Variants in VSIG10 observed in about 807,000 individuals in gnomAD.
The protein encoded by VSIG10 is V-set and immunoglobulin domain containing 10.
A neutral mutation model predicts 58.7 loss-of-function variants in VSIG10; 48 were observed. The observed-to-expected ratio is 0.82, with a 90% CI of 0.65 to 1.04. VSIG10 has a LOEUF of 1.04. VSIG10 is among the 50% of genes least tolerant of loss of function. The pLI, the probability that VSIG10 is intolerant of heterozygous loss-of-function variation, is 0.00. For synonymous variants in VSIG10, 260 were observed against 267.1 expected (o/e 0.97, Z 0.26); for missense variants, 628 against 670.0 (o/e 0.94, Z 0.69).
intron 7 of VSIG10, among the ~76,000 whole-genome samples, chr12:118,069,351 G>C (rs1228684818): frequency 1.3e-5 from 2 of 151,312 alleles, no homozygotes; most frequent in Non-Finnish European, 2.9e-5. Flanking sequence ...TGGCCTCCCA[G>C]AGTGCTGAGA....
chr12:118,093,863 T>C (rs1190897094), intron 2 of VSIG10, among the ~76,000 whole-genome samples: 4 of 152,072 alleles, frequency 2.6e-5, no homozygotes, highest in African/African-American at 2.4e-5. Flanking sequence ...GAGCCGAGAT[T>C]GCATCACTGC....
chr12:118,081,358 G>A (rs927043272), intron 3 of VSIG10, among the ~76,000 whole-genome samples: 4 of 151,798 alleles, frequency 2.6e-5, no homozygotes, highest in Admixed American at 6.6e-5. Context: ...ACGGAGTCTC[G>A]CCCTGTCGCC....
At chr12:118,068,244 A>T in intron 8 of VSIG10, 133 bp downstream of exon 8, 1 of 457,230 alleles carries the variant, frequency 2.2e-6, no homozygotes, top group South Asian at 3.3e-5. Context: ...CATGTTGCCC[A>T]GGCTAGTCTT....
At chr12:118,088,690 G>C (rs1042920559) in intron 2 of VSIG10, among the ~76,000 whole-genome samples, 5 of 152,090 alleles carry the variant, frequency 3.3e-5, no homozygotes. Flanking sequence ...GCAGAGAGGA[G>C]TCTGCTGTTT....
chr12:118,103,592 C>G lies in VSIG10; in HGVS notation c.79+1G>C. 1 of 1,521,770 alleles carries G rather than the reference C, an allele frequency of 6.6e-7. No homozygotes were observed. Among genetic ancestry groups the G allele is most frequent in the South Asian group, 1.2e-5 (1 of 82,506 alleles). 94.3% of individuals were successfully genotyped at this position (1,521,770 alleles called of 1,614,324 possible). On this transcript the variant is annotated splice_donor_variant, in intron 1 of 8. Coordinates refer to ENST00000359236, the MANE Select transcript of VSIG10 (RefSeq NM_019086.6). LOFTEE classifies it high-confidence loss of function. ...TTTCCCTCCAGATCGCGGCCCCTTA[C>G]CTACGGCGACCCAGCCGGCCAGGAG...
At chr12:118,070,483 G>T (rs892158685) in intron 7 of VSIG10, among the ~76,000 whole-genome samples, 1 of 150,542 alleles carries the variant, frequency 6.6e-6, no homozygotes, top group African/African-American at 2.4e-5. Context: ...GGGAGGTAGG[G>T]ATTGCAGTGA....
chr12:118,095,866 G>T (rs374685421), intron 1 of VSIG10, 52 bp from the exon 2 acceptor site: 2 of 1,539,658 alleles, frequency 1.3e-6, no homozygotes. Context: ...TCTAAACAAT[G>T]TCCCTTTTTG....
intron 2 of VSIG10, among the ~76,000 whole-genome samples, chr12:118,088,952 T>C (rs886444342): frequency 3.5e-4 from 52 of 150,704 alleles, no homozygotes; most frequent in Non-Finnish European, 3.3e-4. Flanking sequence ...TTTTTCTTTT[T>C]TTTTTTTTTT....
chr12:118,073,670 C>T (rs1195358230), intron 5 of VSIG10, 29 bp downstream of exon 5: 1 of 1,572,898 alleles, frequency 6.4e-7, no homozygotes, highest in Non-Finnish European at 8.6e-7. Context: ...CTGAACCCTC[C>T]CTCCTTCAGG....
chr12:118,073,062 G>A (rs1029631107), intron 5 of VSIG10, among the ~76,000 whole-genome samples: 1 of 149,424 alleles, frequency 6.7e-6, no homozygotes, highest in East Asian at 2.0e-4. Context: ...TGCAACCTTC[G>A]CCTCCCAGAT....
chr12:118,100,389 C>T (rs190404070), intron 1 of VSIG10, among the ~76,000 whole-genome samples: 4 of 152,130 alleles, frequency 2.6e-5, no homozygotes, highest in South Asian at 2.1e-4. Flanking sequence ...CCCACCTACT[C>T]GGGAGGCTGA....
Position 118,068,606 on chromosome 12 carries a change from C to T in VSIG10, c.1347-9G>A, listed in dbSNP as rs2032356779. ...CATCCATGTTTTGTCCCCTAATTTC[C>T]AAAGGGGAAAAATAATCAAGAAGAT... On this transcript the variant is annotated splice_polypyrimidine_tract_variant and intron_variant, in intron 7 of 8. Transcript: ENST00000359236. 6.5e-7 allele frequency: 1 copy of T among 1,530,114 alleles called. No homozygotes were observed. Among genetic ancestry groups the T allele is most frequent in the Non-Finnish European group, 8.8e-7 (1 of 1,135,596 alleles). 94.8% of individuals were successfully genotyped at this position (1,530,114 alleles called of 1,614,324 possible).
chr12:118,083,714 C>G (rs2033036824), intron 2 of VSIG10, among the ~76,000 whole-genome samples: 1 of 152,136 alleles, frequency 6.6e-6, no homozygotes, highest in East Asian at 1.9e-4. Flanking sequence ...CAGGATTTTG[C>G]CATGTTGCCC....
intron 1 of VSIG10, 142 bp downstream of exon 1, chr12:118,103,451 A>G: frequency 1.2e-6 from 1 of 853,660 alleles, no homozygotes; most frequent in Non-Finnish European, 1.7e-6. Context: ...GCGAGCAGGA[A>G]ACCAAGACCC....
At chr12:118,077,918 T>G (rs1309115293) in intron 4 of VSIG10, among the ~76,000 whole-genome samples, 2 of 152,196 alleles carry the variant, frequency 1.3e-5, no homozygotes, top group African/African-American at 4.8e-5. Flanking sequence ...ATGCCCACTG[T>G]GCCCTCTCTG....
At chr12:118,091,268 G>A (rs1016471582) in intron 2 of VSIG10, among the ~76,000 whole-genome samples, 10 of 152,058 alleles carry the variant, frequency 6.6e-5, no homozygotes, top group African/African-American at 2.4e-4. Context: ...CGAGGCAGGC[G>A]GATCACGAGG....
Position 118,071,038 on chromosome 12 carries a change from T to C in VSIG10, c.1346+14A>G. On this transcript the variant is annotated intron_variant, in intron 7 of 8. Transcript: ENST00000359236. Reference sequence around the variant, plus strand: ...CGGGAATGGGTGTTTGGTTTGATTCTAGGGAACACTCACCTGGAAGTGTTT... The same window carrying C: ...CGGGAATGGGTGTTTGGTTTGATTCCAGGGAACACTCACCTGGAAGTGTTT... 2 of 1,601,452 alleles carry C rather than the reference T, an allele frequency of 1.2e-6. No individual in the cohort carries two copies. The highest frequency in any genetic ancestry group is 2.2e-5 in the East Asian group (1 of 44,690).
At chr12:118,092,064 T>C (rs1351471749) in intron 2 of VSIG10, among the ~76,000 whole-genome samples, 1 of 151,716 alleles carries the variant, frequency 6.6e-6, no homozygotes, top group East Asian at 1.9e-4. Flanking sequence ...CCTATTCTTT[T>C]TATTTTTATT....
chr12:118,068,176 C>A (rs1471505775), intron 8 of VSIG10, among the ~76,000 whole-genome samples: 1 of 148,120 alleles, frequency 6.8e-6, no homozygotes, highest in African/African-American at 2.5e-5. Flanking sequence ...TGCACACCAC[C>A]ATGACCGGCT....
Sources: allele counts gnomAD v4.1 joint callset (sites outside exome capture counted in the v4.1 genomes callset), GRCh38; gene constraint gnomAD v4.1.1; transcripts MANE v1.5; gene names NCBI Gene and HGNC (gene_info 2026-07-23, HGNC 2026-07-21).